RGS22: variants seen among roughly 807,000 people sequenced by gnomAD.
RGS22 encodes regulator of G protein signaling 22.
Under a neutral mutation model 172.9 loss-of-function variants are expected in RGS22, and 148 were observed. That is an observed-to-expected ratio of 0.86 (90% CI 0.75 to 0.98). The LOEUF (loss-of-function observed/expected upper bound fraction) is 0.98, where lower values mean the gene tolerates loss of function less well. Ranked by LOEUF, RGS22 falls within the 50% of genes least tolerant of loss-of-function variation. The pLI is 0.00. For missense variants in RGS22, 1,347 were observed against 1,440.8 expected, an observed-to-expected ratio of 0.93 and a Z score of 1.05; for synonymous variants, 458 against 480.2, an observed-to-expected ratio of 0.95 and a Z score of 0.60.
chr8:100,085,613 T>TTCTTCA (rs1382967636), intron 3 of RGS22, among the ~76,000 whole-genome samples: 95 of 152,330 alleles, frequency 6.2e-4, no homozygotes, highest in Non-Finnish European at 1.9e-4. Context: ...AGGGACTGGA[T>TTCTTCA]GAAGGGATGG....
intron 23 of RGS22, 88 bp from the exon 24 acceptor site, chr8:99,965,518 G>T: frequency 1.0e-6 from 1 of 952,710 alleles, no homozygotes. Flanking sequence ...AACATCATAT[G>T]ACATAATATT....
chr8:100,097,583 T>C (rs1813076518), intron 2 of RGS22, among the ~76,000 whole-genome samples: 1 of 152,240 alleles, frequency 6.6e-6, no homozygotes, highest in South Asian at 2.1e-4. Context: ...AGTAAAATGT[T>C]TGGAGGAGGG....
chr8:100,038,925 A>G lies in RGS22; in HGVS notation c.2166+6T>C. On this transcript the variant is annotated splice_donor_region_variant and intron_variant, in intron 14 of 27. Coordinates refer to ENST00000360863, the MANE Select transcript of RGS22 (RefSeq NM_015668.5). ...TCACATTGAACCAATATTATTTACT[A>G]CGTACTTGCGCTTGCTTGCATACTT... 6.3e-7 allele frequency: 1 copy of G among 1,583,454 alleles called. No homozygotes were observed.
intron 21 of RGS22, among the ~76,000 whole-genome samples, chr8:99,984,503 G>A (rs766205559): frequency 5.9e-5 from 9 of 151,888 alleles, no homozygotes; most frequent in Non-Finnish European, 1.2e-4. Flanking sequence ...CTATTATTAA[G>A]GTCTGAGTTT....
In RGS22 at chr8:100,051,510, TAAA is replaced by T. The variant is rs1821325606; in HGVS notation, c.1689+1289_1689+1291del. Among the ~76,000 whole-genome samples, 3 of 20,192 alleles carry T rather than the reference TAAA, an allele frequency of 1.5e-4. 1 individual carries two copies. The highest frequency in any genetic ancestry group is 2.8e-4 in the Non-Finnish European group (3 of 10,742). The allele number at this position is 20,192 out of a possible 152,430, so 13.2% of individuals were successfully genotyped here. ...ATATATAATATATAATAAATATATA[TAAA>T]TATATTTTTATATATTTATACATAT... is the stretch of plus-strand genomic sequence containing the variant. On this transcript the variant is annotated intron_variant, in intron 10 of 27. Transcript: ENST00000360863.
intron 6 of RGS22, among the ~76,000 whole-genome samples, chr8:100,067,535 A>G (rs1197693365): frequency 6.6e-6 from 1 of 152,184 alleles, no homozygotes; most frequent in Non-Finnish European, 1.5e-5. Flanking sequence ...TCAACTGCAA[A>G]AAAAGAATGA....
chr8:99,990,966 C>G (rs140869819), intron 20 of RGS22, among the ~76,000 whole-genome samples: 2,847 of 152,258 alleles, frequency 0.019, 41 homozygotes, highest in African/African-American at 0.04. Flanking sequence ...GATACCCAGG[C>G]AAAGAGGGTC....
intron 3 of RGS22, among the ~76,000 whole-genome samples, chr8:100,083,525 G>A (rs1043895357): frequency 4.6e-5 from 7 of 151,816 alleles, no homozygotes; most frequent in African/African-American, 9.7e-5. Flanking sequence ...ACACCACCAT[G>A]CCAAGCTAAT....
At chr8:99,980,341 G>A (rs1160045072) in intron 22 of RGS22, among the ~76,000 whole-genome samples, 1 of 152,198 alleles carries the variant, frequency 6.6e-6, no homozygotes, top group Non-Finnish European at 1.5e-5. Context: ...CAGAGGCCAG[G>A]AGTTTCTGTA....
At chr8:99,994,191 T>G (rs188225574) in intron 20 of RGS22, among the ~76,000 whole-genome samples, 2 of 152,328 alleles carry the variant, frequency 1.3e-5, no homozygotes, top group African/African-American at 4.8e-5. Context: ...AGCATTCCCT[T>G]TGAAAATCGG....
At chr8:99,973,363 A>G (rs781063359) in intron 23 of RGS22, among the ~76,000 whole-genome samples, 1 of 152,212 alleles carries the variant, frequency 6.6e-6, no homozygotes, top group Non-Finnish European at 1.5e-5. Flanking sequence ...TGTCTTTTGC[A>G]GGGACATGAA....
chr8:99,985,178 C>T (rs779341965), intron 21 of RGS22, among the ~76,000 whole-genome samples: 24 of 152,120 alleles, frequency 1.6e-4, no homozygotes, highest in Non-Finnish European at 2.6e-4. Context: ...TGTGTGATGT[C>T]GGGAATTTCT....
chr8:100,047,804 T>TA (rs1246190283), intron 10 of RGS22, among the ~76,000 whole-genome samples: 1 of 152,088 alleles, frequency 6.6e-6, no homozygotes, highest in Non-Finnish European at 1.5e-5. Context: ...ATTTAGACTG[T>TA]AAAAAAGGAA....
rs553127471 is a variant in RGS22, at chr8:100,081,373, T to TATAA, written c.118-1019_118-1018insTTAT. Among the ~76,000 whole-genome samples, 417 of 148,222 alleles carry TATAA rather than the reference T, an allele frequency of 2.8e-3. 9 individuals carry two copies. The highest frequency in any genetic ancestry group is 0.017 in the Admixed American group (249 of 14,794). On this transcript the variant is annotated intron_variant, in intron 3 of 27. Coordinates refer to ENST00000360863, the MANE Select transcript of RGS22 (RefSeq NM_015668.5). The stretch of plus-strand genomic sequence containing the variant: ...ATGTGTGCGTGTATGTATATATATA[T>TATAA]ATATATATATTTAAATTTTAATGTC...
intron 6 of RGS22, among the ~76,000 whole-genome samples, chr8:100,069,119 GA>G (rs577941436): frequency 1.2e-4 from 18 of 148,924 alleles, no homozygotes; most frequent in South Asian, 4.2e-4. Context: ...AGATGCAAAT[GA>G]AAAAAAAAAG....
chr8:100,071,034 G>A (rs1810931608), intron 6 of RGS22, among the ~76,000 whole-genome samples: 1 of 152,192 alleles, frequency 6.6e-6, no homozygotes, highest in South Asian at 2.1e-4. Context: ...TGTAATCCCA[G>A]CACTTTGGGA....
rs1476644551 is a variant in RGS22 at position 100,071,419 on chromosome 8, C to T, written c.544G>A (p.Glu182Lys). ...KPPSLPPPAT[E>K]EDNLVIMKKF... ...TTCATAATTACAAGATTATCTTCTT[C>T]AGTGGCAGGAGGTGGTAGACTGGGT... The change falls in exon 6 of 28, where the codon GAA (glutamate) becomes AAA (lysine). Residue 182 changes from glutamate to lysine, a missense_variant. Transcript: ENST00000360863. The T allele has an allele frequency of 2.5e-6, 4 of 1,612,626 alleles. No individual in the cohort carries two copies. The highest frequency in any genetic ancestry group is 2.5e-6 in the Non-Finnish European group (3 of 1,179,284).
intron 14 of RGS22, among the ~76,000 whole-genome samples, chr8:100,024,320 T>C (rs1426682231): frequency 6.6e-6 from 1 of 152,192 alleles, no homozygotes; most frequent in Non-Finnish European, 1.5e-5. Context: ...TGAAGGTATA[T>C]GGGGGCTCAT....
intron 6 of RGS22, among the ~76,000 whole-genome samples, chr8:100,070,173 G>C (rs1288144237): frequency 6.6e-6 from 1 of 151,976 alleles, no homozygotes; most frequent in Non-Finnish European, 1.5e-5. Flanking sequence ...TAGGTTTCCA[G>C]GGGAAAAGAG....
Sources: gnomAD v4.1 joint callset for allele counts (sites outside exome capture counted in the v4.1 genomes callset) on GRCh38, gnomAD v4.1.1 for gene constraint, MANE v1.5 for transcripts, NCBI Gene and HGNC (gene_info 2026-07-23, HGNC 2026-07-21) for gene names.